The following FECH variants were observed in gnomAD, a reference collection of about 807,000 sequenced individuals.
FECH encodes ferrochelatase.
In FECH, 40 loss-of-function variants were observed where a neutral mutation model predicts 56.9. The observed-to-expected ratio is 0.70, with a 90% CI of 0.55 to 0.92. The LOEUF is 0.92. FECH is among the 40% of genes least tolerant of loss of function. The pLI is 0.00. For synonymous variants in FECH, 175 were observed against 198.6 expected, an observed-to-expected ratio of 0.88 and a Z score of 1.00; for missense variants, 431 against 529.1, an observed-to-expected ratio of 0.81 and a Z score of 1.82.
chr18:57,547,207 G>T lies in FECH; in HGVS notation c.*3505C>A, dbSNP rs188417736. ...TGAGACTTTGAACTTGGACTTTTGG[G>T]TTAATGCTGGAATGAGTTAAGACTC... On this transcript the variant is annotated 3_prime_UTR_variant, in exon 11 of 11. Transcript: ENST00000262093. Among the ~76,000 whole-genome samples the T allele has an allele frequency of 4.6e-4, 70 of 152,274 alleles. No individual in the cohort carries two copies. Among genetic ancestry groups the T allele is most frequent in the Non-Finnish European group, 7.8e-4 (53 of 68,020 alleles).
intron 4 of FECH, among the ~76,000 whole-genome samples, chr18:57,568,484 C>A (rs1029141585): frequency 6.6e-6 from 1 of 152,150 alleles, no homozygotes; most frequent in Non-Finnish European, 1.5e-5. Context: ...CCTGAGGAAC[C>A]AACAAACAGT....
Position 57,559,222 on chromosome 18 carries a change from T to C in FECH, c.727A>G (p.Lys243Glu), listed in dbSNP as rs2050909228. The C allele has an allele frequency of 6.2e-7, 1 of 1,613,030 alleles. No homozygotes were observed. The change falls in exon 7 of 11, where the codon AAG becomes GAG. Residue 243 changes from lysine (K) to glutamate (E), a missense_variant. Transcript: ENST00000262093. Reference protein sequence around the residue: ...LIQCFADHILKELDHFPLEKR... With the variant: ...LIQCFADHILEELDHFPLEKR... ...TCAAGTGGAAAATGGTCCAGTTCCT[T>C]TAGAATATGATCTGCAAAGCACTGA...
In FECH at chr18:57,550,556, C is replaced by G; in HGVS notation, c.*156G>C. The G allele has an allele frequency of 1.2e-6, 1 of 809,634 alleles. No homozygotes were observed. Among genetic ancestry groups the G allele is most frequent in the Non-Finnish European group, 1.9e-6 (1 of 515,128 alleles). 50.2% of individuals were successfully genotyped at this position (809,634 alleles called of 1,614,324 possible). ...ATAAAAATAGAAATCCATCAAGAGT[C>G]CAATCCTCAAGAAACCACACAATTT... On this transcript the variant is annotated 3_prime_UTR_variant, in exon 11 of 11. Transcript: ENST00000262093.
rs143625439 is a variant in FECH, at chr18:57,560,361, C to T, written c.706-1118G>A. On this transcript the variant is annotated intron_variant, in intron 6 of 10. Transcript: ENST00000262093. ...AAGTGGGATATACATGTTAATAACACATCAATAGGCCAGACGCAGTGGCTC... is the reference window on the plus strand; with the variant it reads ...AAGTGGGATATACATGTTAATAACATATCAATAGGCCAGACGCAGTGGCTC... Among the ~76,000 whole-genome samples, 442 of 152,346 alleles carry T rather than the reference C, an allele frequency of 2.9e-3. 6 individuals carry two copies. The highest frequency in any genetic ancestry group is 0.027 in the Admixed American group (408 of 15,302).
chr18:57,553,513 T>G (rs1250602533), intron 9 of FECH, among the ~76,000 whole-genome samples: 1 of 152,070 alleles, frequency 6.6e-6, no homozygotes, highest in Non-Finnish European at 1.5e-5. Flanking sequence ...GAGGAAAGGG[T>G]TTCTTGGGTC....
chr18:57,545,958 C>T lies in FECH; in HGVS notation c.*4754G>A, dbSNP rs1037292444. 2.0e-5 allele frequency among the ~76,000 whole-genome samples: 3 copies of T among 152,096 alleles called. No homozygotes were observed. The highest frequency in any genetic ancestry group is 4.4e-5 in the Non-Finnish European group (3 of 68,038). ...GTAGACAGTTGTCCTTCTATATTGG[C>T]AGGGAATTGGTTCCAGGATCCCCCA... On this transcript the variant is annotated 3_prime_UTR_variant, in exon 11 of 11. Transcript: ENST00000262093.
At chr18:57,579,925 T>C (rs896763407) in intron 2 of FECH, 148 bp downstream of exon 2, 9 of 1,032,982 alleles carry the variant, frequency 8.7e-6, no homozygotes, top group Non-Finnish European at 1.2e-5. Context: ...GTAAAATCTA[T>C]GGTTTAACAG....
rs1302804619 is a variant in FECH at position 57,582,024 on chromosome 18, A to T, written c.68-1825T>A. 2.0e-5 allele frequency among the ~76,000 whole-genome samples: 3 copies of T among 148,028 alleles called. No individual in the cohort carries two copies. In the East Asian group the frequency reaches 6.1e-4, roughly 30 times the overall value. ...GGTGTTTTAAAAAAAAAAAAATTCA[A>T]TTCCAAGGCTCAAACCAACTCACAT... On this transcript the variant is annotated intron_variant, in intron 1 of 10. Transcript: ENST00000262093.
intron 4 of FECH, among the ~76,000 whole-genome samples, chr18:57,569,528 G>T (rs1478565607): frequency 1.3e-5 from 2 of 152,202 alleles, no homozygotes; most frequent in Non-Finnish European, 2.9e-5. Flanking sequence ...AAGGGAAGAG[G>T]AATGAGAAGG....
At chr18:57,576,547 C>G (rs552915738) in intron 2 of FECH, among the ~76,000 whole-genome samples, 1 of 152,248 alleles carries the variant, frequency 6.6e-6, no homozygotes, top group Non-Finnish European at 1.5e-5. Flanking sequence ...TTAAAAAAAC[C>G]TCAGGCTAAA....
intron 6 of FECH, among the ~76,000 whole-genome samples, chr18:57,562,423 G>A (rs1184762277): frequency 1.8e-4 from 28 of 152,042 alleles, no homozygotes; most frequent in Admixed American, 6.6e-5. Flanking sequence ...TTTCTCAATC[G>A]AAATGTTCAA....
intron 2 of FECH, among the ~76,000 whole-genome samples, chr18:57,579,094 A>G (rs1568154096): frequency 6.6e-6 from 1 of 151,282 alleles, no homozygotes; most frequent in Non-Finnish European, 1.5e-5. Context: ...CTAAAAATAC[A>G]AAAATTAGCC....
intron 1 of FECH, chr18:57,585,731 T>C (rs2051361096): frequency 6.6e-6 from 1 of 152,196 alleles, no homozygotes; most frequent in Non-Finnish European, 1.5e-5. Flanking sequence ...TGAATAAGCA[T>C]CTTATTCGTG....
At chr18:57,585,355 C>T (rs2051352270) in intron 1 of FECH, among the ~76,000 whole-genome samples, 1 of 152,174 alleles carries the variant, frequency 6.6e-6, no homozygotes. Context: ...TGAATCTTTC[C>T]ACTTTTAACC....
At position 57,566,591 on chromosome 18, in the gene FECH, A is replaced by G; in HGVS notation, c.464-10T>C. On this transcript the variant is annotated splice_polypyrimidine_tract_variant and intron_variant, in intron 4 of 10. Coordinates refer to ENST00000262093, the MANE Select transcript of FECH (RefSeq NM_000140.5). ...TAGTATTTGTGAGGGGCTATTAGGA[A>G]GCACATGTGGAAAGGAGAAAGTGTT... 1.2e-6 allele frequency: 2 copies of G among 1,614,116 alleles called. No individual in the cohort carries two copies. Among genetic ancestry groups the G allele is most frequent in the Non-Finnish European group, 1.7e-6 (2 of 1,179,966 alleles).
chr18:57,572,301 C>T (rs529941823), intron 3 of FECH, among the ~76,000 whole-genome samples: 18 of 151,924 alleles, frequency 1.2e-4, no homozygotes, highest in Non-Finnish European at 2.6e-4. Context: ...TCTCAGCAAA[C>T]TATCACAAGG....
In FECH at chr18:57,550,322, A is replaced by C. The variant is rs550136228; in HGVS notation, c.*390T>G. 3 of 216,936 alleles carry C rather than the reference A, an allele frequency of 1.4e-5. No homozygotes were observed. The East Asian group carries it at 3.5e-4, about 25-fold the overall frequency. The allele number at this position is 216,936 out of a possible 1,614,324, so 13.4% of individuals were successfully genotyped here. A position where few individuals can be genotyped will look rare whatever the true frequency, so the allele number is the denominator to read the frequency against. On this transcript the variant is annotated 3_prime_UTR_variant, in exon 11 of 11. Transcript: ENST00000262093. Reference sequence around the variant, plus strand: ...AAACAGCAACTATATGCACGAGACTAAACAGATCTCATTCACACTGCCAGC... The same window carrying C: ...AAACAGCAACTATATGCACGAGACTCAACAGATCTCATTCACACTGCCAGC...
chr18:57,576,554 T>C (rs2051188114), intron 2 of FECH, among the ~76,000 whole-genome samples: 1 of 152,180 alleles, frequency 6.6e-6, no homozygotes, highest in South Asian at 2.1e-4. Flanking sequence ...AACCTCAGGC[T>C]AAAAGACTTA....
intron 4 of FECH, among the ~76,000 whole-genome samples, chr18:57,570,145 T>C (rs571077090): frequency 6.6e-6 from 1 of 151,468 alleles, no homozygotes; most frequent in South Asian, 2.1e-4. Flanking sequence ...CCACCTGCCT[T>C]GGCCTCCCAA....
Sources: allele counts gnomAD v4.1 joint callset (sites outside exome capture counted in the v4.1 genomes callset), GRCh38; gene constraint gnomAD v4.1.1; transcripts MANE v1.5; gene names NCBI Gene and HGNC (gene_info 2026-07-23, HGNC 2026-07-21).